GPC5: variants seen among roughly 807,000 people sequenced by gnomAD.
GPC5 encodes the protein glypican 5.
A neutral mutation model predicts 53.9 loss-of-function variants in GPC5; 47 were observed. The ratio of observed to expected loss-of-function variants is 0.87; its 90% CI spans 0.69 to 1.11. The LOEUF is 1.11. Among genes scored for constraint, GPC5 ranks in the 50% most tolerant of loss-of-function variants. The pLI is 0.00. For missense variants in GPC5, 748 were observed against 713.1 expected (o/e 1.05, Z -0.56); for synonymous variants, 286 against 263.3 (o/e 1.09, Z -0.84).
chr13:92,069,440 G>A (rs1445093036), intron 6 of GPC5, among the ~76,000 whole-genome samples: 2 of 151,124 alleles, frequency 1.3e-5, no homozygotes, highest in Non-Finnish European at 3.0e-5. Context: ...GTGTGTGTGT[G>A]TGTGTGTATT....
intron 7 of GPC5, among the ~76,000 whole-genome samples, chr13:92,850,133 T>C (rs1388867414): frequency 6.6e-6 from 1 of 152,094 alleles, no homozygotes; most frequent in Non-Finnish European, 1.5e-5. Context: ...TAACAAAAAC[T>C]TAAATTTACT....
intron 6 of GPC5, among the ~76,000 whole-genome samples, chr13:91,946,976 C>A (rs1175808185): frequency 1.3e-5 from 2 of 151,942 alleles, no homozygotes; most frequent in Admixed American, 1.3e-4. Flanking sequence ...TTACTTTGTG[C>A]TATTGTTTCC....
At chr13:92,244,080 T>C (rs983383524) in intron 7 of GPC5, among the ~76,000 whole-genome samples, 20 of 152,274 alleles carry the variant, frequency 1.3e-4, no homozygotes, top group Non-Finnish European at 1.8e-4. Flanking sequence ...GGGAAGTGTG[T>C]CATGCAGATG....
intron 3 of GPC5, among the ~76,000 whole-genome samples, chr13:91,701,447 T>C (rs1566621606): frequency 6.6e-6 from 1 of 152,176 alleles, no homozygotes. Flanking sequence ...ACATTTGTCT[T>C]TCTCTGCCTG....
chr13:91,482,934 A>C (rs78160179), intron 2 of GPC5, among the ~76,000 whole-genome samples: 2 of 151,088 alleles, frequency 1.3e-5, no homozygotes, highest in African/African-American at 4.9e-5. Context: ...ATCTACATTT[A>C]GGAGTACAGC....
chr13:91,537,064 A>C (rs1447405403), intron 2 of GPC5, among the ~76,000 whole-genome samples: 3 of 152,200 alleles, frequency 2.0e-5, no homozygotes, highest in African/African-American at 7.2e-5. Context: ...TCAGTGGCTA[A>C]TTTATAGCTA....
At chr13:91,543,871 A>G (rs978869861) in intron 2 of GPC5, among the ~76,000 whole-genome samples, 1 of 152,190 alleles carries the variant, frequency 6.6e-6, no homozygotes. Flanking sequence ...GTTGTTATGG[A>G]TATCAAAGTT....
intron 7 of GPC5, among the ~76,000 whole-genome samples, chr13:92,500,369 G>A (rs1213334866): frequency 6.6e-6 from 1 of 152,134 alleles, no homozygotes; most frequent in Admixed American, 6.5e-5. Context: ...AATGACAAAA[G>A]TCTCAAGTAA....
At chr13:92,222,407 G>T (rs1056144921) in intron 7 of GPC5, among the ~76,000 whole-genome samples, 8 of 152,190 alleles carry the variant, frequency 5.3e-5, no homozygotes, top group African/African-American at 1.4e-4. Flanking sequence ...ATAGAAATTA[G>T]AGAAGTTTAA....
chr13:92,111,392 T>A (rs77655043), intron 6 of GPC5, among the ~76,000 whole-genome samples: 447 of 152,248 alleles, frequency 2.9e-3, no homozygotes, highest in African/African-American at 0.01. Context: ...TATGACCCTC[T>A]CTCTGTAGGT....
chr13:91,812,072 T>A (rs2038320818), intron 5 of GPC5, among the ~76,000 whole-genome samples: 1 of 152,076 alleles, frequency 6.6e-6, no homozygotes, highest in Non-Finnish European at 1.5e-5. Context: ...AGACTGACTG[T>A]GAATAAAGTG....
intron 7 of GPC5, among the ~76,000 whole-genome samples, chr13:92,305,758 A>G (rs1343208521): frequency 6.6e-6 from 1 of 152,174 alleles, no homozygotes; most frequent in Non-Finnish European, 1.5e-5. Context: ...TAGAAAATCT[A>G]AAAATCTCTA....
intron 7 of GPC5, among the ~76,000 whole-genome samples, chr13:92,729,432 C>T (rs1888742189): frequency 6.6e-6 from 1 of 151,310 alleles, no homozygotes; most frequent in African/African-American, 2.4e-5. Context: ...AAAAAGGAAC[C>T]TATAACATTG....
intron 1 of GPC5, among the ~76,000 whole-genome samples, chr13:91,435,142 A>G (rs1220505597): frequency 6.6e-6 from 1 of 152,138 alleles, no homozygotes; most frequent in East Asian, 1.9e-4. Flanking sequence ...AACAGGGACA[A>G]TTTGACTTTC....
chr13:92,034,808 A>G (rs998051715), intron 6 of GPC5, among the ~76,000 whole-genome samples: 1 of 152,080 alleles, frequency 6.6e-6, no homozygotes, highest in Non-Finnish European at 1.5e-5. Flanking sequence ...ACATTATGTA[A>G]CTCTAAAAAT....
chr13:91,656,787 C>T (rs1330259868), intron 2 of GPC5, among the ~76,000 whole-genome samples: 1 of 152,132 alleles, frequency 6.6e-6, no homozygotes, highest in African/African-American at 2.4e-5. Flanking sequence ...AGTGTTTCTC[C>T]TGCTATACCA....
At chr13:91,924,661 G>T (rs1196920157) in intron 6 of GPC5, among the ~76,000 whole-genome samples, 1 of 151,994 alleles carries the variant, frequency 6.6e-6, no homozygotes, top group Non-Finnish European at 1.5e-5. Context: ...GAATCACCTG[G>T]GCCTGGGAGG....
At chr13:92,582,636 G>A (rs543106430) in intron 7 of GPC5, among the ~76,000 whole-genome samples, 1 of 152,098 alleles carries the variant, frequency 6.6e-6, no homozygotes, top group Non-Finnish European at 1.5e-5. Context: ...ATGAGCATGA[G>A]ATATCTTTTC....
intron 7 of GPC5, among the ~76,000 whole-genome samples, chr13:92,453,644 C>A (rs1878152479): frequency 6.6e-6 from 1 of 152,044 alleles, no homozygotes. Flanking sequence ...CAAAATGCAG[C>A]GCTAATGAAA....
Sources: gnomAD v4.1 joint callset for allele counts (sites outside exome capture counted in the v4.1 genomes callset) on GRCh38, gnomAD v4.1.1 for gene constraint, MANE v1.5 for transcripts, NCBI Gene and HGNC (gene_info 2026-07-23, HGNC 2026-07-21) for gene names.